Variants in SECISBP2 observed in about 807,000 individuals in gnomAD.
The protein encoded by SECISBP2 is SECIS binding protein 2, also known as selenocysteine insertion sequence-binding protein 2.
In SECISBP2, 96 loss-of-function variants were observed where a neutral mutation model predicts 98.2. That is an observed-to-expected ratio of 0.98 (90% CI 0.83 to 1.16). SECISBP2 has a LOEUF of 1.16. Among genes scored for constraint, SECISBP2 ranks in the 50% most tolerant of loss-of-function variants. SECISBP2 has a pLI of 0.00. For missense variants in SECISBP2, 1,046 were observed against 1,022.9 expected (o/e 1.02, Z -0.31); for synonymous variants, 407 against 370.2 (o/e 1.10, Z -1.14).
At chr9:89,318,715 C>T (rs1235996803) in intron 1 of SECISBP2, 103 bp downstream of exon 1, 38 of 1,265,562 alleles carry the variant, frequency 3.0e-5, no homozygotes, top group Non-Finnish European at 3.8e-5. Flanking sequence ...GGGCGTGGGT[C>T]GGATGCTGGT....
intron 14 of SECISBP2, chr9:89,355,128 C>T: frequency 1.0e-6 from 1 of 985,380 alleles, no homozygotes; most frequent in Non-Finnish European, 1.2e-6. Flanking sequence ...GAATGAGTTC[C>T]CAGTTTCCAC....
rs767054953 is a variant in SECISBP2 at position 89,318,533 on chromosome 9, C to T, written c.-44C>T. ...TTTGTCTGTCCGGCAAGCCGACGGC[C>T]CGCTGCTGGCCTCCGTGACGCGGCC... On this transcript the variant is annotated 5_prime_UTR_variant, in exon 1 of 17. Coordinates refer to ENST00000375807, the MANE Select transcript of SECISBP2 (RefSeq NM_024077.5). 97 of 1,511,714 alleles carry T rather than the reference C, an allele frequency of 6.4e-5. 1 individual carries two copies. Among genetic ancestry groups the T allele is most frequent in the Admixed American group, 2.6e-4 (13 of 49,322 alleles). 93.6% of individuals were successfully genotyped at this position (1,511,714 alleles called of 1,614,324 possible).
At chr9:89,363,740 C>A (rs765533364), downstream of SECISBP2, 1 of 1,611,528 alleles carries the variant, frequency 6.2e-7, no homozygotes, top group Non-Finnish European at 8.5e-7. Flanking sequence ...GAATCACTTA[C>A]CAGGTCTCAT....
chr9:89,352,396 G>A (rs1831418945), intron 14 of SECISBP2, among the ~76,000 whole-genome samples: 1 of 152,188 alleles, frequency 6.6e-6, no homozygotes, highest in Non-Finnish European at 1.5e-5. Context: ...TGTTTTGTTG[G>A]AGTGCATCCT....
Position 89,357,484 on chromosome 9 carries a change from C to G in SECISBP2, c.2187C>G (p.Leu729=). ...CEQNIPFVFA[L]NRKALGRSLN... ...AGAACATTCCCTTTGTGTTTGCTCTCAACCGCAAAGCTCTGGGGCGCAGTT... is the reference window on the plus strand; with the variant it reads ...AGAACATTCCCTTTGTGTTTGCTCTGAACCGCAAAGCTCTGGGGCGCAGTT... The change falls in exon 15 of 17, where the codon CTC becomes CTG. Residue 729 remains leucine, a synonymous_variant. Coordinates refer to ENST00000375807, the MANE Select transcript of SECISBP2 (RefSeq NM_024077.5). 1 of 1,614,210 alleles carries G rather than the reference C, an allele frequency of 6.2e-7. No individual in the cohort carries two copies. Among genetic ancestry groups the G allele is most frequent in the Non-Finnish European group, 8.5e-7 (1 of 1,180,044 alleles).
downstream of SECISBP2, chr9:89,362,246 C>T: frequency 7.8e-7 from 1 of 1,283,688 alleles, no homozygotes; most frequent in Non-Finnish European, 1.1e-6. Context: ...CCCGCCTCTG[C>T]CCATCAGGTG....
At chr9:89,343,624 T>C (rs1829998196) in intron 10 of SECISBP2, among the ~76,000 whole-genome samples, 1 of 152,240 alleles carries the variant, frequency 6.6e-6, no homozygotes, top group Non-Finnish European at 1.5e-5. Context: ...GTTAGTTTGC[T>C]AAGGATGGCC....
intron 13 of SECISBP2, 82 bp from the exon 14 acceptor site, chr9:89,350,550 T>A: frequency 8.1e-7 from 1 of 1,232,984 alleles, no homozygotes; most frequent in Admixed American, 1.7e-5. Context: ...AGTCTACGTC[T>A]CTTCTCCCTG....
downstream of SECISBP2, chr9:89,362,377 G>A (rs557467635): frequency 2.4e-5 from 38 of 1,614,066 alleles, no homozygotes; most frequent in African/African-American, 2.0e-4. Context: ...GGTTGAGGTC[G>A]GTGTCAGGGA....
Position 89,348,078 on chromosome 9 carries a change from G to C in SECISBP2, c.1603-1G>C. The C allele has an allele frequency of 6.2e-7, 1 of 1,611,988 alleles. No individual in the cohort carries two copies. The highest frequency in any genetic ancestry group is 8.5e-7 in the Non-Finnish European group (1 of 1,178,190). On this transcript the variant is annotated splice_acceptor_variant, in intron 11 of 16. Transcript: ENST00000375807. LOFTEE classifies it high-confidence loss of function. ...TTTTAATTGTTTATTTAATTTTTAA[G>C]ATTATTTTGAAAGAACGGCAAGAGA...
intron 16 of SECISBP2, 67 bp from the exon 17 acceptor site, chr9:89,358,654 G>A: frequency 9.4e-7 from 1 of 1,066,376 alleles, no homozygotes; most frequent in South Asian, 1.3e-5. Context: ...CATGCTGCTG[G>A]TTTTCTTACA....
intron 6 of SECISBP2, chr9:89,334,149 C>T (rs1375187072): frequency 1.7e-6 from 2 of 1,167,218 alleles, no homozygotes; most frequent in Non-Finnish European, 2.1e-6. Context: ...TAAAGGTACA[C>T]TTCAAGGTTA....
chr9:89,362,683 C>G (rs948951309), downstream of SECISBP2, among the ~76,000 whole-genome samples: 3 of 152,218 alleles, frequency 2.0e-5, no homozygotes, highest in Non-Finnish European at 4.4e-5. Context: ...AGAGAGGGAG[C>G]CTGTGTGTGC....
rs1826522923 is a variant in SECISBP2, at chr9:89,325,425, A to G, written c.183-2A>G. ...CAACTAAAGTTTACACTTTTTACTT[A>G]GGCAGAAAATATATACTGAAGACAT... is the stretch of plus-strand genomic sequence containing the variant. On this transcript the variant is annotated splice_acceptor_variant, in intron 2 of 16. Transcript: ENST00000375807. LOFTEE classifies it high-confidence loss of function. 1 of 1,613,820 alleles carries G rather than the reference A, an allele frequency of 6.2e-7. No individual in the cohort carries two copies. The highest frequency in any genetic ancestry group is 8.5e-7 in the Non-Finnish European group (1 of 1,179,864).
rs767788315 is a variant in SECISBP2 at position 89,339,870 on chromosome 9, G to A, written c.1219G>A (p.Glu407Lys). 3.1e-6 allele frequency: 5 copies of A among 1,613,016 alleles called. No individual in the cohort carries two copies. The highest frequency in any genetic ancestry group is 2.2e-5 in the South Asian group (2 of 91,044). ...VQEPPRIEDAEEFPNLAVASE... is the reference protein window; with the variant it reads ...VQEPPRIEDAKEFPNLAVASE... ...GGGTGTGTGGTTTACTTAGGATGCC[G>A]AGGAATTTCCCAACCTGGCAGTTGC... is the stretch of plus-strand genomic sequence containing the variant. The change falls in exon 9 of 17, where the codon GAG becomes AAG. Residue 407 changes from glutamate (E) to lysine (K), a missense_variant. Coordinates refer to ENST00000375807, the MANE Select transcript of SECISBP2 (RefSeq NM_024077.5).
rs765529994 is a variant in SECISBP2 at position 89,328,844 on chromosome 9, T to C, written c.759T>C (p.Ser253=). Residue 253 remains serine (S), a synonymous_variant, in exon 5 of 17, where the codon TCT becomes TCC. Transcript: ENST00000375807. ...GPVHSVSTDI[S]LLREVVKPAA... Reference sequence around the variant, plus strand: ...TCCACTCTGTCTCTACCGACATTTCTCTTCTAAGAGAAGTAGTAAAACCAG... The same window carrying C: ...TCCACTCTGTCTCTACCGACATTTCCCTTCTAAGAGAAGTAGTAAAACCAG... 1 of 1,614,220 alleles carries C rather than the reference T, an allele frequency of 6.2e-7. No homozygotes were observed. Among genetic ancestry groups the C allele is most frequent in the Non-Finnish European group, 8.5e-7 (1 of 1,180,024 alleles).
intron 7 of SECISBP2, among the ~76,000 whole-genome samples, chr9:89,336,488 T>C (rs1828738992): frequency 1.3e-5 from 2 of 152,208 alleles, no homozygotes; most frequent in Admixed American, 1.3e-4. Flanking sequence ...TCCTGTCTTT[T>C]TGAGTATGAG....
downstream of SECISBP2, chr9:89,360,662 T>A (rs1202667917): frequency 6.6e-6 from 1 of 152,232 alleles, no homozygotes; most frequent in Non-Finnish European, 1.5e-5. Flanking sequence ...TGCTATCATT[T>A]TCTTGGCAGT....
At chr9:89,352,642 C>G (rs1831461940) in intron 14 of SECISBP2, among the ~76,000 whole-genome samples, 1 of 152,218 alleles carries the variant, frequency 6.6e-6, no homozygotes, top group African/African-American at 2.4e-5. Flanking sequence ...TCCCTGCCAG[C>G]TCTTGGAAGT....
Sources: allele counts gnomAD v4.1 joint callset (sites outside exome capture counted in the v4.1 genomes callset), GRCh38; gene constraint gnomAD v4.1.1; transcripts MANE v1.5; gene names NCBI Gene and HGNC (gene_info 2026-07-23, HGNC 2026-07-21).